The following RPL34 variants were observed in gnomAD, a reference collection of about 807,000 sequenced individuals.
RPL34 encodes large ribosomal subunit protein eL34.
Under a neutral mutation model 16.3 loss-of-function variants are expected in RPL34, and 2 were observed. The observed-to-expected ratio is 0.12, with a 90% CI of 0.05 to 0.39. RPL34 has a LOEUF of 0.39. Among genes scored for constraint, RPL34 ranks in the 10% least tolerant of loss-of-function variants. The probability of loss-of-function intolerance (pLI) is 0.99; values close to 1 mark genes in which losing one functional copy is unlikely to be tolerated. For missense variants in RPL34, 82 were observed against 148.8 expected, an observed-to-expected ratio of 0.55 and a Z score of 2.33; for synonymous variants, 47 against 48.5, an observed-to-expected ratio of 0.97 and a Z score of 0.13.
rs181610467 is a variant in RPL34 at position 108,624,333 on chromosome 4, G to C, written c.270-795G>C. Among the ~76,000 whole-genome samples the C allele has an allele frequency of 7.4e-4, 112 of 152,310 alleles. 2 individuals carry two copies. The highest frequency in any genetic ancestry group is 4.4e-3 in the Admixed American group (68 of 15,300). On this transcript the variant is annotated intron_variant, in intron 4 of 4. Coordinates refer to ENST00000394667, the MANE Select transcript of RPL34 (RefSeq NM_001319236.2). ...AGATTTGAAGAAATTAGAAAACCCA[G>C]AGTTTTGAGGGTAGGGTTTGATAAC... is the stretch of plus-strand genomic sequence containing the variant.
At chr4:108,628,380 C>T (rs912588020), downstream of RPL34, among the ~76,000 whole-genome samples, 5 of 152,190 alleles carry the variant, frequency 3.3e-5, no homozygotes, top group Admixed American at 1.3e-4. Flanking sequence ...ATATAACCAT[C>T]TAAAAATTGG....
rs751324295 is a variant in RPL34, at chr4:108,625,264, CT to C, written c.*63del. On this transcript the variant is annotated 3_prime_UTR_variant, in exon 5 of 5. Transcript: ENST00000394667. ...AAATGAAAAGACGCTGTATGTATGA[CT>C]TTTTTTTTTTCTGTTGTAATGTGTT... The C allele has an allele frequency of 0.019, 15,780 of 820,642 alleles. 8 individuals are homozygous for C. Among genetic ancestry groups the C allele is most frequent in the African/African-American group, 0.024 (1,318 of 55,306 alleles). The allele number at this position is 820,642 out of a possible 1,614,324, so 50.8% of individuals were successfully genotyped here.
downstream of RPL34, among the ~76,000 whole-genome samples, chr4:108,629,064 C>T (rs1209616707): frequency 1.3e-5 from 2 of 152,118 alleles, no homozygotes; most frequent in Non-Finnish European, 2.9e-5. Flanking sequence ...AATGTCCGCC[C>T]GCCTCGGCCT....
At chr4:108,627,442 ATAACACC>A (rs1264878393), downstream of RPL34, among the ~76,000 whole-genome samples, 1 of 152,234 alleles carries the variant, frequency 6.6e-6, no homozygotes, top group Non-Finnish European at 1.5e-5. Flanking sequence ...ATGGGATTTC[ATAACACC>A]TTTACTGTAC....
Position 108,622,219 on chromosome 4 carries a change from T to C in RPL34, c.165+15T>C. ...GACTTCGAGGGGTAAGTGTACCTTT[T>C]ACTGTGTGCAGCCTAACAAGTCTTG... On this transcript the variant is annotated intron_variant, in intron 3 of 4. Transcript: ENST00000394667. 6.4e-7 allele frequency: 1 copy of C among 1,553,214 alleles called. No homozygotes were observed. The highest frequency in any genetic ancestry group is 1.4e-5 in the African/African-American group (1 of 73,928).
At chr4:108,622,298 A>G (rs946258485) in intron 3 of RPL34, 94 bp downstream of exon 3, 4 of 977,582 alleles carry the variant, frequency 4.1e-6, no homozygotes, top group African/African-American at 1.6e-5. Flanking sequence ...AGAGGTTACC[A>G]CTAAGAGGGT....
At chr4:108,628,857 CTA>C, downstream of RPL34, among the ~76,000 whole-genome samples, 1 of 152,330 alleles carries the variant, frequency 6.6e-6, no homozygotes, top group South Asian at 2.1e-4. Context: ...GAGTCTCACT[CTA>C]TCACCCAGGC....
chr4:108,622,567 A>T lies in RPL34; in HGVS notation c.218A>T (p.His73Leu), dbSNP rs987941569. 6.2e-7 allele frequency: 1 copy of T among 1,610,542 alleles called. No homozygotes were observed. The highest frequency in any genetic ancestry group is 2.2e-5 in the East Asian group (1 of 44,880). Residue 73 changes from histidine (H) to leucine (L), a missense_variant, in exon 4 of 5, where the codon CAT (histidine) becomes CTT (leucine). His to Leu is a moderately conservative substitution (Grantham distance 99). Coordinates refer to ENST00000394667, the MANE Select transcript of RPL34 (RefSeq NM_001319236.2). ...ATGAGATTGTCCAAAACAAAGAAAC[A>T]TGTCAGCAGGGCCTATGGTGGTTCC... is the stretch of plus-strand genomic sequence containing the variant. ...VLMRLSKTKK[H>L]VSRAYGGSMC...
Position 108,622,224 on chromosome 4 carries a change from T to C in RPL34, c.165+20T>C. 6.6e-7 allele frequency: 1 copy of C among 1,523,986 alleles called. No homozygotes were observed. The highest frequency in any genetic ancestry group is 9.1e-7 in the Non-Finnish European group (1 of 1,104,540). 94.4% of individuals were successfully genotyped at this position (1,523,986 alleles called of 1,614,324 possible). On this transcript the variant is annotated intron_variant, in intron 3 of 4. Coordinates refer to ENST00000394667, the MANE Select transcript of RPL34 (RefSeq NM_001319236.2). ...CGAGGGGTAAGTGTACCTTTTACTG[T>C]GTGCAGCCTAACAAGTCTTGAACTT...
chr4:108,621,801 G>C, intron 1 of RPL34, 150 bp from the exon 2 acceptor site: 1 of 608,940 alleles, frequency 1.6e-6, no homozygotes, highest in Non-Finnish European at 2.9e-6. Flanking sequence ...TTAAATACAA[G>C]TAGTTTTAAA....
intron 1 of RPL34, 22 bp from the exon 2 acceptor site, chr4:108,621,929 T>G (rs1467513042): frequency 1.3e-6 from 2 of 1,495,974 alleles, no homozygotes; most frequent in Non-Finnish European, 1.9e-6. Flanking sequence ...AAAGATTTGA[T>G]GTTACTCTAT....
At chr4:108,628,824 T>C (rs1475020185), downstream of RPL34, among the ~76,000 whole-genome samples, 1 of 151,936 alleles carries the variant, frequency 6.6e-6, no homozygotes, top group Non-Finnish European at 1.5e-5. Flanking sequence ...CTACTTACTA[T>C]TATTATTATT....
chr4:108,629,449 T>C (rs1378907063), downstream of RPL34, among the ~76,000 whole-genome samples: 1 of 152,238 alleles, frequency 6.6e-6, no homozygotes, highest in Non-Finnish European at 1.5e-5. Context: ...CAAGTTGGTG[T>C]TGAAGTTCAG....
chr4:108,624,146 C>T (rs555027510), intron 4 of RPL34, among the ~76,000 whole-genome samples: 1 of 152,268 alleles, frequency 6.6e-6, no homozygotes, highest in African/African-American at 2.4e-5. Flanking sequence ...ATTCTCGGGC[C>T]TTATCTCCTG....
At chr4:108,625,020 G>T in intron 4 of RPL34, 108 bp from the exon 5 acceptor site, 1 of 700,602 alleles carries the variant, frequency 1.4e-6, no homozygotes, top group Non-Finnish European at 2.5e-6. Flanking sequence ...AGTTTCCTGG[G>T]TTCCCTGATT....
At chr4:108,621,418 T>G (rs1418653462) in intron 1 of RPL34, 1 of 157,636 alleles carries the variant, frequency 6.3e-6, no homozygotes, top group African/African-American at 2.4e-5. Flanking sequence ...ACGCAGGTGG[T>G]GCTTTAGGGC....
chr4:108,626,029 A>T (rs768554566), downstream of RPL34, among the ~76,000 whole-genome samples: 1 of 152,198 alleles, frequency 6.6e-6, no homozygotes, highest in Non-Finnish European at 1.5e-5. Context: ...TTAACAAATG[A>T]GTGAGCTACT....
chr4:108,625,933 C>T (rs1039616598), downstream of RPL34, among the ~76,000 whole-genome samples: 1 of 152,100 alleles, frequency 6.6e-6, no homozygotes, highest in Non-Finnish European at 1.5e-5. Flanking sequence ...TGGAATGGAA[C>T]CTTTTTAAGA....
At chr4:108,629,417 C>G (rs775247963), downstream of RPL34, among the ~76,000 whole-genome samples, 16 of 152,018 alleles carry the variant, frequency 1.1e-4, no homozygotes, top group Non-Finnish European at 1.9e-4. Flanking sequence ...TTCACTTATG[C>G]TGAATTGTTT....
Sources: gnomAD v4.1 joint callset for allele counts (sites outside exome capture counted in the v4.1 genomes callset) on GRCh38, gnomAD v4.1.1 for gene constraint, MANE v1.5 for transcripts, NCBI Gene and HGNC (gene_info 2026-07-23, HGNC 2026-07-21) for gene names.